Variants in EEF1AKMT2 observed in about 807,000 individuals in gnomAD.
The protein encoded by EEF1AKMT2 is EEF1A lysine methyltransferase 2, also known as eukaryotic translation elongation factor 1 alpha lysine methyltransferase 2.
In EEF1AKMT2, 32 loss-of-function variants were observed where a neutral mutation model predicts 35.8. The ratio of observed to expected loss-of-function variants is 0.89; its 90% CI spans 0.67 to 1.20. The LOEUF (loss-of-function observed/expected upper bound fraction) is 1.20, where lower values mean the gene tolerates loss of function less well. Ranked by LOEUF, EEF1AKMT2 falls within the 50% of genes most tolerant of loss-of-function variation. The pLI is 0.00. For synonymous variants in EEF1AKMT2, 121 were observed against 133.7 expected, an observed-to-expected ratio of 0.91 and a Z score of 0.65; for missense variants, 330 against 347.5, an observed-to-expected ratio of 0.95 and a Z score of 0.40.
rs1217220810 is a variant in EEF1AKMT2, at chr10:124,765,565, T to A, written c.443A>T (p.His148Leu). The change falls in exon 5 of 7, where the codon CAT becomes CTT. Residue 148 changes from histidine (H) to leucine (L), a missense_variant. His to Leu is a moderately conservative substitution (Grantham distance 99, BLOSUM62 -3). Coordinates refer to ENST00000368836, the MANE Select transcript of EEF1AKMT2 (RefSeq NM_212554.4). The part of the protein sequence containing the change: ...LNLSTQLSGF[H>L]ICIDKGTFDA... ...AAAAGTCCCTTTGTCAATACAAATA[T>A]GAAATCCAGACAGCTGTGTGGAGAG... 1 of 1,613,818 alleles carries A rather than the reference T, an allele frequency of 6.2e-7. No homozygotes were observed. Among genetic ancestry groups the A allele is most frequent in the African/African-American group, 1.3e-5 (1 of 74,928 alleles).
intron 4 of EEF1AKMT2, among the ~76,000 whole-genome samples, chr10:124,774,139 G>A (rs1019542991): frequency 9.9e-5 from 15 of 152,108 alleles, no homozygotes; most frequent in Admixed American, 3.3e-4. Flanking sequence ...AGGCCGAAGC[G>A]GGCAGATCAC....
chr10:124,789,670 A>G (rs1027221833), intron 2 of EEF1AKMT2, among the ~76,000 whole-genome samples: 4 of 151,362 alleles, frequency 2.6e-5, no homozygotes, highest in African/African-American at 9.7e-5. Context: ...CGGGAGGATC[A>G]CCTGGGCCCA....
intron 5 of EEF1AKMT2, among the ~76,000 whole-genome samples, chr10:124,764,916 T>A (rs1418220786): frequency 6.6e-6 from 1 of 152,200 alleles, no homozygotes; most frequent in Non-Finnish European, 1.5e-5. Context: ...TTCTCTTTTT[T>A]TGTTTAGATG....
chr10:124,767,742 T>C (rs1950392026), intron 4 of EEF1AKMT2, among the ~76,000 whole-genome samples: 1 of 151,968 alleles, frequency 6.6e-6, no homozygotes, highest in African/African-American at 2.4e-5. Context: ...TCCCAACACT[T>C]TGGGAGGCCG....
chr10:124,774,406 A>AAAAAAAAAAAAAAAAAAG lies in EEF1AKMT2; in HGVS notation c.399+268_399+269insCTTTTTTTTTTTTTTTTT, dbSNP rs1554918000. 8.2e-5 allele frequency among the ~76,000 whole-genome samples: 4 copies of AAAAAAAAAAAAAAAAAAG among 48,506 alleles called. 1 individual carries two copies. The highest frequency in any genetic ancestry group is 1.2e-4 in the African/African-American group (2 of 16,492). The allele number at this position is 48,506 out of a possible 152,430, so 31.8% of individuals were successfully genotyped here. On this transcript the variant is annotated intron_variant, in intron 4 of 6. Transcript: ENST00000368836. The stretch of plus-strand genomic sequence containing the variant: ...AAAAAAAAAAAAAAAAAAAAAAAAA[A>AAAAAAAAAAAAAAAAAAG]AAAACCCTTTTGATCTGGTTAATCC...
chr10:124,756,507 C>T (rs1389926512), downstream of EEF1AKMT2, among the ~76,000 whole-genome samples: 2 of 152,218 alleles, frequency 1.3e-5, no homozygotes, highest in Non-Finnish European at 2.9e-5. Flanking sequence ...ACTATAGTGA[C>T]AGCTCAAAAT....
In EEF1AKMT2 at chr10:124,791,578, T is replaced by C. The variant is rs1020925333; in HGVS notation, c.110+146A>G. 8 of 1,203,606 alleles carry C rather than the reference T, an allele frequency of 6.6e-6. No individual in the cohort carries two copies. The African/African-American group carries it at 9.2e-5, about 14-fold the overall frequency. 74.6% of individuals were successfully genotyped at this position (1,203,606 alleles called of 1,614,324 possible). On this transcript the variant is annotated intron_variant, in intron 1 of 6. Transcript: ENST00000368836. ...GGGATTCCACTCTTTGAAATCCCCG[T>C]AAGCCCCCCGCCAGGTGGCCCTGCT...
In EEF1AKMT2 at chr10:124,765,679, G is replaced by C. The variant is rs11245358; in HGVS notation, c.400-71C>G. Reference sequence around the variant, plus strand: ...CCTTACAGAATGTAAGTGACAACCTGTAAAAGGTTATTAATAAAAGGACCC... The same window carrying C: ...CCTTACAGAATGTAAGTGACAACCTCTAAAAGGTTATTAATAAAAGGACCC... On this transcript the variant is annotated intron_variant, in intron 4 of 6. Coordinates refer to ENST00000368836, the MANE Select transcript of EEF1AKMT2 (RefSeq NM_212554.4). The C allele has an allele frequency of 0.063, 72,159 of 1,139,144 alleles. 2,694 individuals are homozygous for C. The highest frequency in any genetic ancestry group is 0.076 in the Non-Finnish European group (60,330 of 792,336). 70.6% of individuals were successfully genotyped at this position (1,139,144 alleles called of 1,614,324 possible). A position where few individuals can be genotyped will look rare whatever the true frequency, so the allele number is the denominator to read the frequency against.
At position 124,774,739 on chromosome 10, in the gene EEF1AKMT2, G is replaced by T; in HGVS notation, c.335C>A (p.Pro112His). Residue 112 changes from proline (P) to histidine (H), a missense_variant, in exon 4 of 7, where the codon CCT (proline) becomes CAT (histidine). Pro to His is a moderately conservative substitution (Grantham distance 77). Coordinates refer to ENST00000368836, the MANE Select transcript of EEF1AKMT2 (RefSeq NM_212554.4). Reference protein sequence around the residue: ...FSNITGIDYSPSAIQLSGSII... With the variant: ...FSNITGIDYSHSAIQLSGSII... Reference sequence around the variant, plus strand: ...ACTTCCAGAAAGCTGAATTGCAGAAGGAGAGTAATCAATTCCAGTAATATT... The same window carrying T: ...ACTTCCAGAAAGCTGAATTGCAGAATGAGAGTAATCAATTCCAGTAATATT... 6.7e-7 allele frequency: 1 copy of T among 1,483,632 alleles called. No individual in the cohort carries two copies. Among genetic ancestry groups the T allele is most frequent in the South Asian group, 1.5e-5 (1 of 65,988 alleles). 91.9% of individuals were successfully genotyped at this position (1,483,632 alleles called of 1,614,324 possible). A position where few individuals can be genotyped will look rare whatever the true frequency, so the allele number is the denominator to read the frequency against.
intron 2 of EEF1AKMT2, among the ~76,000 whole-genome samples, chr10:124,789,954 C>T (rs1017789684): frequency 7.9e-5 from 12 of 151,264 alleles, no homozygotes; most frequent in African/African-American, 2.7e-4. Flanking sequence ...TGCAGTGGCG[C>T]GATCTCAGCT....
At chr10:124,776,163 C>T (rs1369969214) in intron 3 of EEF1AKMT2, among the ~76,000 whole-genome samples, 2 of 151,830 alleles carry the variant, frequency 1.3e-5, no homozygotes, top group South Asian at 2.1e-4. Flanking sequence ...CCTCGTGATC[C>T]GCCCACCTCG....
At position 124,774,683 on chromosome 10, in the gene EEF1AKMT2, T is replaced by A; in HGVS notation, c.391A>T (p.Lys131Ter). The A allele has an allele frequency of 7.1e-7, 1 of 1,402,500 alleles. No individual in the cohort carries two copies. The highest frequency in any genetic ancestry group is 9.5e-7 in the Non-Finnish European group (1 of 1,057,858). 86.9% of individuals were successfully genotyped at this position (1,402,500 alleles called of 1,614,324 possible). The change falls in exon 4 of 7, where the codon AAG becomes TAG. Residue 131 changes from lysine (K) to a stop codon, truncating the protein, a stop_gained. Coordinates refer to ENST00000368836, the MANE Select transcript of EEF1AKMT2 (RefSeq NM_212554.4). LOFTEE classifies it high-confidence loss of function. ...ATATAAATAATAGTTACCTTTAACT[T>A]AATGTTAGATAAACCTTCTTTTTCT... ...IIEKEGLSNI[K>*]LKVEDFLNLS...
intron 1 of EEF1AKMT2, 64 bp from the exon 2 acceptor site, chr10:124,790,402 T>A: frequency 8.7e-7 from 1 of 1,153,266 alleles, no homozygotes; most frequent in South Asian, 1.2e-5. Flanking sequence ...ATTAAATGTA[T>A]GTTTCTAATA....
At chr10:124,789,374 A>G (rs1309040852) in intron 2 of EEF1AKMT2, among the ~76,000 whole-genome samples, 4 of 152,240 alleles carry the variant, frequency 2.6e-5, no homozygotes, top group Non-Finnish European at 2.9e-5. Context: ...ACATTTCTCT[A>G]TATCAGCATT....
chr10:124,765,323 G>T, intron 5 of EEF1AKMT2, 69 bp downstream of exon 5: 1 of 1,294,208 alleles, frequency 7.7e-7, no homozygotes. Flanking sequence ...ACACAAAACG[G>T]GGAGAAAACC....
chr10:124,759,208 T>C lies in EEF1AKMT2; in HGVS notation c.*1295A>G, dbSNP rs1950310046. 1 of 152,356 alleles carries C rather than the reference T, an allele frequency of 6.6e-6. No individual in the cohort carries two copies. Among genetic ancestry groups the C allele is most frequent in the Non-Finnish European group, 1.5e-5 (1 of 68,026 alleles). 9.4% of individuals were successfully genotyped at this position (152,356 alleles called of 1,614,324 possible). On this transcript the variant is annotated 3_prime_UTR_variant, in exon 7 of 7. Coordinates refer to ENST00000368836, the MANE Select transcript of EEF1AKMT2 (RefSeq NM_212554.4). ...TGGTATTAAGTATGAATATGACTTA[T>C]CTTTTCAAAAACATTAATAAACTGT...
chr10:124,789,014 T>C, intron 3 of EEF1AKMT2, 29 bp downstream of exon 3: 1 of 1,556,626 alleles, frequency 6.4e-7, no homozygotes, highest in Non-Finnish European at 8.8e-7. Flanking sequence ...AAAATTTGTC[T>C]TTAACAAACA....
At chr10:124,776,423 T>G (rs966986459) in intron 3 of EEF1AKMT2, among the ~76,000 whole-genome samples, 3 of 151,964 alleles carry the variant, frequency 2.0e-5, no homozygotes, top group African/African-American at 7.3e-5. Context: ...CAGAAAAAGA[T>G]TTCAAAACAA....
rs60863408 is a variant in EEF1AKMT2, at chr10:124,769,248, A to ATATATATATATATATATATG, written c.400-3641_400-3640insCATATATATATATATATATA. 1.1e-3 allele frequency among the ~76,000 whole-genome samples: 72 copies of ATATATATATATATATATATG among 63,810 alleles called. 1 individual carries two copies. The highest frequency in any genetic ancestry group is 3.4e-3 in the African/African-American group (62 of 18,304). 41.9% of individuals were successfully genotyped at this position (63,810 alleles called of 152,430 possible). On this transcript the variant is annotated intron_variant, in intron 4 of 6. Coordinates refer to ENST00000368836, the MANE Select transcript of EEF1AKMT2 (RefSeq NM_212554.4). ...AAAAAAAAAAAATATATATATATAT[A>ATATATATATATATATATATG]TGTGTGTATAAATAAAACGAACAGA...
Sources: gnomAD v4.1 joint callset for allele counts (sites outside exome capture counted in the v4.1 genomes callset) on GRCh38, gnomAD v4.1.1 for gene constraint, MANE v1.5 for transcripts, NCBI Gene and HGNC (gene_info 2026-07-23, HGNC 2026-07-21) for gene names.